Variants in AK9 observed in about 807,000 individuals in gnomAD.
AK9 encodes adenylate kinase 9, also known as adenylate kinase domain containing 1.
In AK9, 191 loss-of-function variants were observed where a neutral mutation model predicts 239.6. The observed-to-expected ratio is 0.80, with a 90% CI of 0.71 to 0.90. AK9 has a LOEUF of 0.90. Among genes scored for constraint, AK9 ranks in the 40% least tolerant of loss-of-function variants. The pLI is 0.00. For synonymous variants in AK9, 689 were observed against 721.0 expected (o/e 0.96, Z 0.71); for missense variants, 1,995 against 2,214.7 (o/e 0.90, Z 1.99).
chr6:109,614,748 A>G (rs1793966748), intron 13 of AK9, among the ~76,000 whole-genome samples: 1 of 152,330 alleles, frequency 6.6e-6, no homozygotes, highest in Non-Finnish European at 1.5e-5. Context: ...GCTGGCACAC[A>G]GGAAGGCTGT....
At chr6:109,564,694 C>A (rs1360108475) in intron 22 of AK9, 62 bp downstream of exon 22, 1 of 1,298,606 alleles carries the variant, frequency 7.7e-7, no homozygotes, top group Non-Finnish European at 1.1e-6. Context: ...AATTAGGGAC[C>A]CTTTGTAAGA....
intron 24 of AK9, among the ~76,000 whole-genome samples, chr6:109,557,848 T>G (rs1367167476): frequency 6.6e-6 from 1 of 152,228 alleles, no homozygotes; most frequent in Non-Finnish European, 1.5e-5. Context: ...CCAAGTTATA[T>G]TCCCACGAGC....
At chr6:109,565,194 G>A (rs1479872320) in intron 21 of AK9, among the ~76,000 whole-genome samples, 3 of 152,124 alleles carry the variant, frequency 2.0e-5, no homozygotes, top group African/African-American at 7.2e-5. Flanking sequence ...AAATACCCAT[G>A]AAGCCAGGCA....
At chr6:109,528,917 T>A in intron 29 of AK9, 94 bp downstream of exon 29, 1 of 1,540,348 alleles carries the variant, frequency 6.5e-7, no homozygotes, top group South Asian at 1.1e-5. Context: ...AGCCCAGGAG[T>A]TCGAGGTTGC....
At position 109,661,223 on chromosome 6, in the gene AK9, T is replaced by C. The variant is rs545844436; in HGVS notation, c.444+1328A>G. ...ATAGGATACTTCATGATCACACTTA[T>C]AACATGAATGGGGTTAAGGACTTTA... On this transcript the variant is annotated intron_variant, in intron 6 of 40. Transcript: ENST00000424296. 5.0e-4 allele frequency among the ~76,000 whole-genome samples: 76 copies of C among 152,300 alleles called. 2 individuals carry two copies. Among genetic ancestry groups the C allele is most frequent in the African/African-American group, 1.8e-3 (76 of 41,574 alleles).
intron 35 of AK9, 151 bp downstream of exon 35, chr6:109,506,176 C>G (rs1190701235): frequency 2.9e-6 from 2 of 678,340 alleles, no homozygotes; most frequent in African/African-American, 3.6e-5. Flanking sequence ...TTGGATAATA[C>G]TATTATATAT....
intron 8 of AK9, among the ~76,000 whole-genome samples, chr6:109,648,958 A>G (rs1381419363): frequency 6.6e-6 from 1 of 152,224 alleles, no homozygotes; most frequent in African/African-American, 2.4e-5. Flanking sequence ...AATAAATGTA[A>G]TCCAACATAT....
rs1463114974 is a variant in AK9 at position 109,606,256 on chromosome 6, AG to A, written c.1842+4108del. Among the ~76,000 whole-genome samples, 35 of 36,566 alleles carry A rather than the reference AG, an allele frequency of 9.6e-4. No homozygotes were observed. In the East Asian group the frequency reaches 0.017, roughly 18 times the overall value. 24.0% of individuals were successfully genotyped at this position (36,566 alleles called of 152,430 possible). Reference sequence around the variant, plus strand: ...ACTTTATATTTTATCACTTGTGAATAGATAGATAGATAGATAGATAGATAGA... The same window carrying A: ...ACTTTATATTTTATCACTTGTGAATAATAGATAGATAGATAGATAGATAGA... On this transcript the variant is annotated intron_variant, in intron 17 of 40. Coordinates refer to ENST00000424296, the MANE Select transcript of AK9 (RefSeq NM_001145128.3).
At chr6:109,502,957 ATG>A (rs58542655) in intron 35 of AK9, among the ~76,000 whole-genome samples, 293 of 145,390 alleles carry the variant, frequency 2.0e-3, no homozygotes, top group African/African-American at 3.9e-3. Context: ...CAGGAACGGT[ATG>A]TGTGTGTGTG....
chr6:109,646,378 A>T (rs1322567680), intron 8 of AK9, among the ~76,000 whole-genome samples: 3 of 152,144 alleles, frequency 2.0e-5, no homozygotes, highest in African/African-American at 7.2e-5. Context: ...AACTAGAATA[A>T]ACAGGGTAGA....
At chr6:109,579,464 C>A in intron 20 of AK9, 86 bp downstream of exon 20, 2 of 1,299,924 alleles carry the variant, frequency 1.5e-6, no homozygotes, top group Non-Finnish European at 2.1e-6. Flanking sequence ...AATGTGATCA[C>A]CCAGTCTATA....
Position 109,614,178 on chromosome 6 carries a change from G to A in AK9, c.1609+5C>T. ...AAACGTGGGATTAGCAGTTCACTTT[G>A]TTACCATCTTTATCAACTTTAGCAG... On this transcript the variant is annotated splice_donor_5th_base_variant and intron_variant, in intron 15 of 40. Coordinates refer to ENST00000424296, the MANE Select transcript of AK9 (RefSeq NM_001145128.3). 1 of 1,548,462 alleles carries A rather than the reference G, an allele frequency of 6.5e-7. No individual in the cohort carries two copies.
At chr6:109,628,440 G>A (rs1795779987) in intron 12 of AK9, among the ~76,000 whole-genome samples, 1 of 152,164 alleles carries the variant, frequency 6.6e-6, no homozygotes, top group African/African-American at 2.4e-5. Context: ...GTCCTGTCAG[G>A]AAACTGTCCC....
intron 6 of AK9, 89 bp downstream of exon 6, chr6:109,662,462 C>T (rs1239727783): frequency 9.2e-7 from 1 of 1,083,334 alleles, no homozygotes; most frequent in Non-Finnish European, 1.2e-6. Flanking sequence ...ATCTCCATAA[C>T]TATTTAAAAA....
chr6:109,588,197 T>A (rs552468727), intron 17 of AK9, among the ~76,000 whole-genome samples: 2 of 151,610 alleles, frequency 1.3e-5, no homozygotes, highest in Admixed American at 6.6e-5. Flanking sequence ...CAGCCTCCCG[T>A]GTAGCTGGGA....
chr6:109,648,275 T>A (rs1798366428), intron 8 of AK9, among the ~76,000 whole-genome samples: 1 of 151,744 alleles, frequency 6.6e-6, no homozygotes, highest in South Asian at 2.1e-4. Flanking sequence ...CACAAAAAAA[T>A]CCTTCAAAAA....
intron 17 of AK9, among the ~76,000 whole-genome samples, chr6:109,603,209 A>G (rs1792304417): frequency 6.6e-6 from 1 of 151,852 alleles, no homozygotes; most frequent in Non-Finnish European, 1.5e-5. Context: ...GGTTTTATCT[A>G]CCTTTGGTCT....
rs755905127 is a variant in AK9, at chr6:109,499,155, G to A, written c.4935C>T (p.Val1645=). ...ATAATTCCTGGGATTCTGCCAGGCT[G>A]ACAGGGCAGAACTGTTCAAATTCTC... ...RLGEFEQFCP[V]SLAESQELFD... is the part of the protein sequence containing the mutation. The change falls in exon 36 of 41, where the codon GTC becomes GTT. Residue 1645 remains valine (V), a synonymous_variant. Transcript: ENST00000424296. The A allele has an allele frequency of 2.5e-6, 4 of 1,610,454 alleles. No individual in the cohort carries two copies. The South Asian group carries it at 3.3e-5, about 13-fold the overall frequency.
intron 28 of AK9, among the ~76,000 whole-genome samples, chr6:109,532,633 C>T (rs1370125279): frequency 6.6e-6 from 1 of 152,148 alleles, no homozygotes; most frequent in Non-Finnish European, 1.5e-5. Flanking sequence ...GATATACCAC[C>T]TTTTATTTTT....
Sources: gnomAD v4.1 joint callset for allele counts (sites outside exome capture counted in the v4.1 genomes callset) on GRCh38, gnomAD v4.1.1 for gene constraint, MANE v1.5 for transcripts, NCBI Gene and HGNC (gene_info 2026-07-23, HGNC 2026-07-21) for gene names.